Variants in CRACDL observed in about 807,000 individuals in gnomAD.
CRACDL encodes the protein CRACD-like protein.
A neutral mutation model predicts 70.6 loss-of-function variants in CRACDL; 26 were observed. The observed-to-expected ratio is 0.37, with a 90% CI of 0.27 to 0.51. CRACDL has a LOEUF of 0.51. Ranked by LOEUF, CRACDL falls within the 20% of genes least tolerant of loss-of-function variation. The pLI is 0.94. For missense variants in CRACDL, 1,283 were observed against 1,376.9 expected (o/e 0.93, Z 1.08); for synonymous variants, 618 against 615.2 (o/e 1.00, Z -0.07).
At chr2:98,868,760 C>T (rs1229350145) in intron 1 of CRACDL, among the ~76,000 whole-genome samples, 1 of 152,174 alleles carries the variant, frequency 6.6e-6, no homozygotes, top group South Asian at 2.1e-4. Flanking sequence ...AGTGTAAACA[C>T]GGTATGGTAA....
intron 3 of CRACDL, among the ~76,000 whole-genome samples, chr2:98,833,251 A>G (rs903400113): frequency 6.6e-6 from 1 of 152,248 alleles, no homozygotes; most frequent in Non-Finnish European, 1.5e-5. Context: ...TGTATTAATG[A>G]AAAAACCAAG....
chr2:98,808,923 G>C (rs963474193), intron 7 of CRACDL, among the ~76,000 whole-genome samples: 1 of 152,168 alleles, frequency 6.6e-6, no homozygotes, highest in Non-Finnish European at 1.5e-5. Context: ...GAGGTGGGCT[G>C]CACCTGTGCA....
At chr2:98,886,476 G>A (rs1707799998) in intron 1 of CRACDL, among the ~76,000 whole-genome samples, 1 of 152,230 alleles carries the variant, frequency 6.6e-6, no homozygotes, top group Non-Finnish European at 1.5e-5. Context: ...GAAGGCCTGA[G>A]AAGGCCCTAA....
At chr2:98,869,155 C>T in intron 1 of CRACDL, 3 of 1,304,378 alleles carry the variant, frequency 2.3e-6, no homozygotes, top group Non-Finnish European at 3.0e-6. Context: ...CTCTCATCCT[C>T]CTGGAAGCTA....
chr2:98,855,544 A>G (rs1353661662), intron 1 of CRACDL, among the ~76,000 whole-genome samples: 5 of 152,090 alleles, frequency 3.3e-5, no homozygotes, highest in Admixed American at 2.6e-4. Context: ...AAGTTATCCA[A>G]AAAAAAGGGA....
chr2:98,850,197 G>C (rs922187283), intron 1 of CRACDL, among the ~76,000 whole-genome samples: 1 of 152,182 alleles, frequency 6.6e-6, no homozygotes, highest in Non-Finnish European at 1.5e-5. Context: ...GATCCCCACC[G>C]CCCAATGGGC....
At chr2:98,910,600 T>G (rs988276468) in intron 1 of CRACDL, among the ~76,000 whole-genome samples, 1 of 152,036 alleles carries the variant, frequency 6.6e-6, no homozygotes, top group Admixed American at 6.6e-5. Flanking sequence ...GTTTTGAGGA[T>G]CCCCCAAAAC....
chr2:98,806,709 G>A (rs1408951378), intron 7 of CRACDL, among the ~76,000 whole-genome samples: 1 of 152,204 alleles, frequency 6.6e-6, no homozygotes, highest in Non-Finnish European at 1.5e-5. Context: ...GGAGGGAAAG[G>A]CACTGTTATT....
At chr2:98,930,228 G>A (rs1478862530) in intron 1 of CRACDL, among the ~76,000 whole-genome samples, 2 of 152,112 alleles carry the variant, frequency 1.3e-5, no homozygotes, top group African/African-American at 2.4e-5. Context: ...CATTAGTGGG[G>A]AAGGCGGATG....
chr2:98,831,410 T>C (rs1705537465), intron 5 of CRACDL, among the ~76,000 whole-genome samples: 1 of 152,198 alleles, frequency 6.6e-6, no homozygotes, highest in South Asian at 2.1e-4. Flanking sequence ...GCACAGAATC[T>C]GCAAGGCAGT....
chr2:98,925,888 T>TAC lies in CRACDL; in HGVS notation c.-11+10048_-11+10049dup, dbSNP rs1277897505. Among the ~76,000 whole-genome samples the TAC allele has an allele frequency of 7.0e-4, 107 of 151,858 alleles. 1 individual carries two copies. Among genetic ancestry groups the TAC allele is most frequent in the Middle Eastern group, 6.8e-3 (2 of 294 alleles). On this transcript the variant is annotated intron_variant, in intron 1 of 9. Transcript: ENST00000397899. The stretch of plus-strand genomic sequence containing the variant: ...ACACATGCGCGCGCACACACATGCA[T>TAC]ACACACACACACACTTTATTAATTA...
chr2:98,810,027 C>T (rs1314581335), intron 7 of CRACDL, among the ~76,000 whole-genome samples: 2 of 152,206 alleles, frequency 1.3e-5, no homozygotes, highest in African/African-American at 4.8e-5. Context: ...TACCACCCAG[C>T]CCCTGCCTTG....
At chr2:98,814,783 A>G (rs895265714) in intron 7 of CRACDL, among the ~76,000 whole-genome samples, 3 of 152,138 alleles carry the variant, frequency 2.0e-5, no homozygotes, top group Non-Finnish European at 4.4e-5. Context: ...TAAAGTCTCT[A>G]CATCTTACTA....
intron 1 of CRACDL, among the ~76,000 whole-genome samples, chr2:98,866,454 T>C (rs1391624632): frequency 1.3e-5 from 2 of 149,144 alleles, no homozygotes; most frequent in African/African-American, 4.9e-5. Context: ...TAACACCTGA[T>C]AGATGAAACA....
At position 98,823,211 on chromosome 2, in the gene CRACDL, G is replaced by C. The variant is rs1476490157; in HGVS notation, c.1062C>G (p.Pro354=). The C allele has an allele frequency of 2.8e-6, 4 of 1,427,146 alleles. No individual in the cohort carries two copies. Among genetic ancestry groups the C allele is most frequent in the Non-Finnish European group, 3.7e-6 (4 of 1,091,828 alleles). 88.4% of individuals were successfully genotyped at this position (1,427,146 alleles called of 1,614,324 possible). Residue 354 remains proline (P), a synonymous_variant, in exon 7 of 10, where the codon CCC becomes CCG. Coordinates refer to ENST00000397899, the MANE Select transcript of CRACDL (RefSeq NM_207362.3). The surrounding 1 kb of genome is among the most constrained non-coding windows in gnomAD (Gnocchi z 4.0). ...PESAPTLRVE[P]PSPPEGPPNP... is the part of the protein sequence containing the mutation. ...TCGGGGGGCCCTCCGGCGGGGACGG[G>C]GGCTCCACGCGGAGAGTGGGGGCCG...
intron 2 of CRACDL, among the ~76,000 whole-genome samples, chr2:98,841,869 T>A (rs1706041808): frequency 6.6e-6 from 1 of 152,176 alleles, no homozygotes; most frequent in Non-Finnish European, 1.5e-5. Context: ...CCTAAGGATA[T>A]TTAGGCTATT....
intron 7 of CRACDL, among the ~76,000 whole-genome samples, chr2:98,817,894 G>A (rs540355959): frequency 6.6e-6 from 1 of 152,120 alleles, no homozygotes; most frequent in Admixed American, 6.5e-5. Context: ...ACACCAACAT[G>A]TGACCATGAC....
intron 1 of CRACDL, among the ~76,000 whole-genome samples, chr2:98,880,610 C>T (rs1707622919): frequency 6.6e-6 from 1 of 152,026 alleles, no homozygotes; most frequent in African/African-American, 2.4e-5. Flanking sequence ...GGGTGTCTGC[C>T]CCTGGGTTAG....
At chr2:98,838,676 A>T (rs1007429871) in intron 2 of CRACDL, among the ~76,000 whole-genome samples, 9 of 152,200 alleles carry the variant, frequency 5.9e-5, no homozygotes, top group African/African-American at 2.2e-4. Flanking sequence ...CAAAAAAAAT[A>T]AAATAAAATA....
Sources: gnomAD v4.1 joint callset for allele counts (sites outside exome capture counted in the v4.1 genomes callset) on GRCh38, gnomAD v4.1.1 for gene constraint, Gnocchi (gnomAD v3.1) non-coding constraint, MANE v1.5 for transcripts, NCBI Gene and HGNC (gene_info 2026-07-23, HGNC 2026-07-21) for gene names.